ITSN1: variants seen among roughly 807,000 people sequenced by gnomAD.
The protein encoded by ITSN1 is intersectin-1.
A neutral mutation model predicts 239.8 loss-of-function variants in ITSN1; 58 were observed. That is an observed-to-expected ratio of 0.24 (90% CI 0.20 to 0.30). ITSN1 has a LOEUF of 0.30. ITSN1 is among the 10% of genes least tolerant of loss of function. The probability of loss-of-function intolerance (pLI) is 1.00; values close to 1 mark genes in which losing one functional copy is unlikely to be tolerated. For synonymous variants in ITSN1, 780 were observed against 770.8 expected, an observed-to-expected ratio of 1.01 and a Z score of -0.20; for missense variants, 1,558 against 2,103.3, an observed-to-expected ratio of 0.74 and a Z score of 5.07.
chr21:33,818,551 A>G (rs2073438125), intron 23 of ITSN1, 79 bp downstream of exon 23: 1 of 1,243,918 alleles, frequency 8.0e-7, no homozygotes, highest in Admixed American at 1.7e-5. Flanking sequence ...GTTAAGATTC[A>G]CAGACAGGAG....
chr21:33,719,015 A>G (rs1000401388), intron 2 of ITSN1, among the ~76,000 whole-genome samples, 159 bp downstream of exon 2: 8 of 152,174 alleles, frequency 5.3e-5, no homozygotes, highest in African/African-American at 1.7e-4. Flanking sequence ...CATGCCCAAT[A>G]TTGTTTCATC....
Position 33,851,733 on chromosome 21 carries a change from CTT to C in ITSN1, c.3662-4992_3662-4991del, listed in dbSNP as rs112609513. Among the ~76,000 whole-genome samples, 589 of 98,710 alleles carry C rather than the reference CTT, an allele frequency of 6.0e-3. 6 individuals are homozygous for C. Among genetic ancestry groups the C allele is most frequent in the African/African-American group, 0.019 (522 of 27,394 alleles). The allele number at this position is 98,710 out of a possible 152,430, so 64.8% of individuals were successfully genotyped here. On this transcript the variant is annotated intron_variant, in intron 29 of 39. Coordinates refer to ENST00000381318, the MANE Select transcript of ITSN1 (RefSeq NM_003024.3). ...TTTTTAATGCTTGCTATTTTAATTTCTTTTTTTTTTTTCTCGTTTTTTTTCTT... is the reference window on the plus strand; with the variant it reads ...TTTTTAATGCTTGCTATTTTAATTTCTTTTTTTTTTCTCGTTTTTTTTCTT...
At chr21:33,812,351 G>T (rs1371434922) in intron 21 of ITSN1, among the ~76,000 whole-genome samples, 1 of 152,114 alleles carries the variant, frequency 6.6e-6, no homozygotes, top group African/African-American at 2.4e-5. Flanking sequence ...CAGTTCTCTT[G>T]CTATAATTAT....
At chr21:33,736,928 T>C (rs886258419) in intron 5 of ITSN1, among the ~76,000 whole-genome samples, 1 of 152,152 alleles carries the variant, frequency 6.6e-6, no homozygotes, top group African/African-American at 2.4e-5. Context: ...AAGCCTGCAG[T>C]GAGCCAAGAT....
intron 1 of ITSN1, among the ~76,000 whole-genome samples, chr21:33,662,211 GC>G (rs548222273): frequency 8.9e-4 from 135 of 151,958 alleles, no homozygotes; most frequent in Middle Eastern, 3.4e-3. Flanking sequence ...TATCCTTTAG[GC>G]CTAACTGGGT....
chr21:33,803,937 G>T (rs973916989), intron 20 of ITSN1, among the ~76,000 whole-genome samples: 1 of 152,170 alleles, frequency 6.6e-6, no homozygotes, highest in Non-Finnish European at 1.5e-5. Context: ...TACTCCAGGT[G>T]CCATTCAGCT....
intron 1 of ITSN1, among the ~76,000 whole-genome samples, chr21:33,685,874 A>G (rs2091211726): frequency 6.6e-6 from 1 of 152,186 alleles, no homozygotes; most frequent in African/African-American, 2.4e-5. Flanking sequence ...TTTAATAATA[A>G]TCATAACTAT....
chr21:33,800,940 C>T (rs1569207377), intron 19 of ITSN1, among the ~76,000 whole-genome samples: 2 of 151,746 alleles, frequency 1.3e-5, no homozygotes, highest in Non-Finnish European at 2.9e-5. Context: ...CCTCTGCCTC[C>T]CTGCAACCTC....
intron 16 of ITSN1, among the ~76,000 whole-genome samples, chr21:33,789,117 A>G (rs1377593357): frequency 6.6e-6 from 1 of 152,196 alleles, no homozygotes; most frequent in East Asian, 1.9e-4. Context: ...CTTCTTTAAT[A>G]GCTCTTCATT....
Position 33,898,035 on chromosome 21 carries a change from G to A in ITSN1, c.*9735G>A, listed in dbSNP as rs1056701107. ...GTTGCATTAAAAATGGATTTTTGCA[G>A]ATCACATATCTGAGAGGGTACTTGT... On this transcript the variant is annotated 3_prime_UTR_variant, in exon 40 of 40. Coordinates refer to ENST00000381318, the MANE Select transcript of ITSN1 (RefSeq NM_003024.3). 10 of 152,196 alleles carry A rather than the reference G, an allele frequency of 6.6e-5. No homozygotes were observed. The highest frequency in any genetic ancestry group is 2.4e-4 in the African/African-American group (10 of 41,438). 9.4% of individuals were successfully genotyped at this position (152,196 alleles called of 1,614,324 possible). A position where few individuals can be genotyped will look rare whatever the true frequency, so the allele number is the denominator to read the frequency against.
intron 11 of ITSN1, among the ~76,000 whole-genome samples, chr21:33,771,628 G>T (rs147089575): frequency 3.3e-5 from 5 of 152,170 alleles, no homozygotes; most frequent in Admixed American, 1.3e-4. Flanking sequence ...GTGAAAAGCC[G>T]AATGCTCACC....
At chr21:33,795,870 A>G (rs898752001) in intron 17 of ITSN1, among the ~76,000 whole-genome samples, 4 of 152,158 alleles carry the variant, frequency 2.6e-5, no homozygotes, top group Admixed American at 1.3e-4. Flanking sequence ...ATATAGATAA[A>G]AACTGCAAAT....
intron 5 of ITSN1, among the ~76,000 whole-genome samples, chr21:33,749,894 C>T (rs1192217900): frequency 6.6e-6 from 1 of 152,052 alleles, no homozygotes; most frequent in East Asian, 1.9e-4. Flanking sequence ...GCCTTTAAGT[C>T]CACTGCAGTT....
intron 17 of ITSN1, among the ~76,000 whole-genome samples, chr21:33,795,507 G>A (rs2071475468): frequency 6.6e-6 from 1 of 152,164 alleles, no homozygotes; most frequent in South Asian, 2.1e-4. Flanking sequence ...TGACTTTAGT[G>A]GGCTGAGTTC....
chr21:33,801,864 G>A lies in ITSN1; in HGVS notation c.2305-566G>A, dbSNP rs76337466. 1.3e-3 allele frequency among the ~76,000 whole-genome samples: 196 copies of A among 152,296 alleles called. 1 individual carries two copies. The highest frequency in any genetic ancestry group is 4.5e-3 in the African/African-American group (186 of 41,564). On this transcript the variant is annotated intron_variant, in intron 19 of 39. Transcript: ENST00000381318. ...CACACAAATGGTAACTTGAGCCAGC[G>A]GGGTGTGTTTCTGTCAGCTTTCCTC...
chr21:33,858,478 A>T (rs946595733), intron 30 of ITSN1, among the ~76,000 whole-genome samples: 1 of 152,114 alleles, frequency 6.6e-6, no homozygotes, highest in African/African-American at 2.4e-5. Context: ...AAAACAATGC[A>T]GGCCCTGCTG....
At chr21:33,834,837 C>T (rs925908390) in intron 28 of ITSN1, among the ~76,000 whole-genome samples, 1 of 151,984 alleles carries the variant, frequency 6.6e-6, no homozygotes, top group Non-Finnish European at 1.5e-5. Flanking sequence ...GGTTGGGGGG[C>T]TATAATGTGG....
intron 39 of ITSN1, among the ~76,000 whole-genome samples, chr21:33,887,696 C>G (rs1986008508): frequency 6.6e-6 from 1 of 152,136 alleles, no homozygotes. Context: ...GCCTCCACCT[C>G]CCAGGCTCAA....
At chr21:33,778,540 T>C (rs951899585) in intron 14 of ITSN1, among the ~76,000 whole-genome samples, 2 of 151,128 alleles carry the variant, frequency 1.3e-5, no homozygotes, top group Non-Finnish European at 2.9e-5. Context: ...AATTATTAAA[T>C]TTACTTGTAT....
Sources: allele counts gnomAD v4.1 joint callset (sites outside exome capture counted in the v4.1 genomes callset), GRCh38; gene constraint gnomAD v4.1.1; transcripts MANE v1.5; gene names NCBI Gene and HGNC (gene_info 2026-07-23, HGNC 2026-07-21).